Variants in CASP5 observed in about 807,000 individuals in gnomAD.
CASP5 encodes the protein caspase-5.
Under a neutral mutation model 45.2 loss-of-function variants are expected in CASP5, and 42 were observed. That is an observed-to-expected ratio of 0.93 (90% confidence interval 0.73 to 1.20). The LOEUF (loss-of-function observed/expected upper bound fraction) is 1.20, where lower values mean the gene tolerates loss of function less well. Among genes scored for constraint, CASP5 ranks in the 50% most tolerant of loss-of-function variants. The pLI, the probability that CASP5 is intolerant of heterozygous loss-of-function variation, is 0.00. For missense variants in CASP5, 512 were observed against 532.2 expected, an observed-to-expected ratio of 0.96 and a Z score of 0.37; for synonymous variants, 209 against 186.2, an observed-to-expected ratio of 1.12 and a Z score of -1.00.
chr11:104,996,025 T>G (rs1388258671), intron 8 of CASP5, among the ~76,000 whole-genome samples, 183 bp from the exon 9 acceptor site: 2 of 152,184 alleles, frequency 1.3e-5, no homozygotes, highest in Admixed American at 6.5e-5. Flanking sequence ...CATGTCATAC[T>G]GTACACTTTA....
At chr11:105,017,022 G>A (rs1862647984) in intron 1 of CASP5, among the ~76,000 whole-genome samples, 1 of 151,548 alleles carries the variant, frequency 6.6e-6, no homozygotes, top group Non-Finnish European at 1.5e-5. Flanking sequence ...CAGCCTAACT[G>A]GGAGGCACCC....
At chr11:105,001,793 C>T (rs1861741553) in intron 5 of CASP5, among the ~76,000 whole-genome samples, 1 of 152,130 alleles carries the variant, frequency 6.6e-6, no homozygotes, top group African/African-American at 2.4e-5. Context: ...AAATACATGC[C>T]AATCATATTT....
Position 105,000,695 on chromosome 11 carries a change from A to G in CASP5, c.718-200T>C, listed in dbSNP as rs45449095. Among the ~76,000 whole-genome samples, 966 of 151,216 alleles carry G rather than the reference A, an allele frequency of 6.4e-3. 13 individuals are homozygous for G. The highest frequency in any genetic ancestry group is 0.021 in the African/African-American group (883 of 41,188). Reference sequence around the variant, plus strand: ...CTTTGTAATGGGGCTGTGGGTTCCTACTTTTTCTCCCTGCTGACACACCAT... The same window carrying G: ...CTTTGTAATGGGGCTGTGGGTTCCTGCTTTTTCTCCCTGCTGACACACCAT... On this transcript the variant is annotated intron_variant, in intron 5 of 9. Coordinates refer to ENST00000260315, the MANE Select transcript of CASP5 (RefSeq NM_004347.5).
At chr11:105,009,754 T>TAC (rs1862196591) in intron 1 of CASP5, among the ~76,000 whole-genome samples, 1 of 76,348 alleles carries the variant, frequency 1.3e-5, no homozygotes, top group African/African-American at 4.7e-5. Flanking sequence ...TATATATATA[T>TAC]ATATACACAC....
chr11:105,022,348 C>T (rs1177908020), intron 1 of CASP5, among the ~76,000 whole-genome samples: 3 of 151,712 alleles, frequency 2.0e-5, no homozygotes, highest in African/African-American at 7.3e-5. Context: ...AAAAAGACTG[C>T]AGATTATTCA....
Position 105,009,015 on chromosome 11 carries a change from C to A in CASP5, c.8-35G>T. 3.1e-6 allele frequency: 5 copies of A among 1,603,248 alleles called. No homozygotes were observed. The South Asian group carries it at 5.6e-5, about 18-fold the overall frequency. The stretch of plus-strand genomic sequence containing the variant: ...ATATAAAGACTCCTTCAACTCTGGG[C>A]ACAGCTTAAAGAGTTTTGCCCTTGC... On this transcript the variant is annotated intron_variant, in intron 1 of 9. Transcript: ENST00000260315.
chr11:104,997,065 C>T (rs1393572326), intron 8 of CASP5, among the ~76,000 whole-genome samples: 1 of 152,146 alleles, frequency 6.6e-6, no homozygotes, highest in Non-Finnish European at 1.5e-5. Context: ...AGCCCCTCAC[C>T]TCCATCCAGT....
intron 1 of CASP5, among the ~76,000 whole-genome samples, chr11:105,019,873 A>C (rs1409141455): frequency 2.1e-5 from 3 of 145,782 alleles, no homozygotes; most frequent in Non-Finnish European, 4.6e-5. Flanking sequence ...TTTTAGACCA[A>C]TATCCTTGAT....
At position 104,995,846 on chromosome 11, in the gene CASP5, A is replaced by G. The variant is rs199914340; in HGVS notation, c.1207-4T>C. On this transcript the variant is annotated splice_region_variant and splice_polypyrimidine_tract_variant and intron_variant, in intron 8 of 9. Transcript: ENST00000260315. ...GAACTTCAAATGATTTCTGTACCTA[A>G]AAGAAAAAACAGTAGATGAGATATG... The G allele has an allele frequency of 2.5e-6, 4 of 1,599,524 alleles. No individual in the cohort carries two copies. The East Asian group carries it at 8.9e-5, about 36-fold the overall frequency.
intron 1 of CASP5, among the ~76,000 whole-genome samples, chr11:105,012,162 T>G (rs187266482): frequency 5.3e-5 from 8 of 151,824 alleles, no homozygotes; most frequent in African/African-American, 1.9e-4. Context: ...TTGACAAAGT[T>G]TCAAGAACAG....
Position 104,996,016 on chromosome 11 carries a change from A to C in CASP5, c.1207-174T>G, listed in dbSNP as rs45583537. Among the ~76,000 whole-genome samples the C allele has an allele frequency of 2.5e-4, 38 of 152,234 alleles. No homozygotes were observed. The East Asian group carries it at 6.0e-3, about 24-fold the overall frequency. ...CTCTACCTCTTAGAATTGACACCCC[A>C]TGTCATACTGTACACTTTACATCAA... is the stretch of plus-strand genomic sequence containing the variant. On this transcript the variant is annotated intron_variant, in intron 8 of 9. Transcript: ENST00000260315.
chr11:105,010,415 T>C (rs1231651490), intron 1 of CASP5, among the ~76,000 whole-genome samples: 1 of 149,588 alleles, frequency 6.7e-6, no homozygotes, highest in Non-Finnish European at 1.5e-5. Context: ...TTATCATTAT[T>C]ATTATACTCA....
chr11:104,997,756 C>A (rs1405425903), intron 7 of CASP5, among the ~76,000 whole-genome samples: 1 of 152,080 alleles, frequency 6.6e-6, no homozygotes, highest in Non-Finnish European at 1.5e-5. Flanking sequence ...ACCTCATGTT[C>A]ATTCACTTTG....
intron 1 of CASP5, among the ~76,000 whole-genome samples, chr11:105,018,325 A>G (rs1173071372): frequency 1.3e-5 from 2 of 151,574 alleles, no homozygotes; most frequent in African/African-American, 4.8e-5. Context: ...TTAAATGTAA[A>G]TGGACTAAAT....
intron 7 of CASP5, 147 bp downstream of exon 7, chr11:104,998,738 A>G (rs1197214113): frequency 2.9e-6 from 2 of 692,190 alleles, no homozygotes; most frequent in Non-Finnish European, 4.7e-6. Flanking sequence ...CTATTCTCAC[A>G]GCACACATAA....
intron 1 of CASP5, among the ~76,000 whole-genome samples, chr11:105,019,795 A>G (rs923295663): frequency 6.9e-5 from 10 of 145,254 alleles, no homozygotes; most frequent in African/African-American, 2.5e-4. Flanking sequence ...AATCCTCCCT[A>G]ACTCATTTTA....
At chr11:105,001,625 C>G (rs1180959850) in intron 5 of CASP5, among the ~76,000 whole-genome samples, 2 of 152,110 alleles carry the variant, frequency 1.3e-5, no homozygotes, top group African/African-American at 4.8e-5. Flanking sequence ...CCACTACACT[C>G]CAGCCTGGGC....
At chr11:105,006,224 A>G (rs1294509259) in intron 3 of CASP5, among the ~76,000 whole-genome samples, 1 of 152,224 alleles carries the variant, frequency 6.6e-6, no homozygotes, top group East Asian at 1.9e-4. Context: ...TAGTTCCCTG[A>G]TCATAATTTT....
intron 1 of CASP5, among the ~76,000 whole-genome samples, chr11:105,014,664 C>T (rs903543020): frequency 6.6e-6 from 1 of 152,024 alleles, no homozygotes; most frequent in Non-Finnish European, 1.5e-5. Context: ...AAGTTTTAAG[C>T]AGAAGGAAGG....
Sources: gnomAD v4.1 joint callset for allele counts (sites outside exome capture counted in the v4.1 genomes callset) on GRCh38, gnomAD v4.1.1 for gene constraint, MANE v1.5 for transcripts, NCBI Gene and HGNC (gene_info 2026-07-23, HGNC 2026-07-21) for gene names.